Variants in RPS9 observed in about 807,000 individuals in gnomAD.
RPS9 encodes ribosomal protein S9.
Under a neutral mutation model 16.9 loss-of-function variants are expected in RPS9, and 1 was observed. The ratio of observed to expected loss-of-function variants is 0.06; its 90% confidence interval spans 0.02 to 0.28. The LOEUF is 0.28. Ranked by LOEUF, RPS9 falls within the 10% of genes least tolerant of loss-of-function variation. The pLI, the probability that RPS9 is intolerant of heterozygous loss-of-function variation, is 1.00. For synonymous variants in RPS9, 106 were observed against 110.9 expected, an observed-to-expected ratio of 0.96 and a Z score of 0.28; for missense variants, 137 against 273.2, an observed-to-expected ratio of 0.50 and a Z score of 3.51.
chr19:54,201,157 C>T lies in RPS9; in HGVS notation c.-25-3C>T, dbSNP rs762191358. 1.9e-6 allele frequency: 3 copies of T among 1,612,874 alleles called. No homozygotes were observed. Among genetic ancestry groups the T allele is most frequent in the South Asian group, 1.1e-5 (1 of 91,032 alleles). Reference sequence around the variant, plus strand: ...CTTACGCTCACACTTCTCTCCCGCGCAGGCGCAGACGGGGAAGCGGAGCCA... The same window carrying T: ...CTTACGCTCACACTTCTCTCCCGCGTAGGCGCAGACGGGGAAGCGGAGCCA... On this transcript the variant is annotated splice_region_variant and splice_polypyrimidine_tract_variant and intron_variant, in intron 1 of 4. Coordinates refer to ENST00000302907, the MANE Select transcript of RPS9 (RefSeq NM_001013.4).
At chr19:54,201,132 C>CT in intron 1 of RPS9, 28 bp from the exon 2 acceptor site, 2 of 1,611,854 alleles carry the variant, frequency 1.2e-6, no homozygotes, top group South Asian at 2.2e-5. Flanking sequence ...GTTTGGATCC[C>CT]TTACGCTCAC....
In RPS9 at chr19:54,207,574, A is replaced by G; in HGVS notation, c.584A>G (p.Ter195=). 1 of 1,606,762 alleles carries G rather than the reference A, an allele frequency of 6.2e-7. No homozygotes were observed. Among genetic ancestry groups the G allele is most frequent in the Admixed American group, 1.7e-5 (1 of 59,500 alleles). The part of the protein sequence containing the change: ...AGAGDDEEED[*] ...GCTGGAGACGACGAGGAGGAGGATTAAGTCCACCTGTCCCTCCTGGGCTGC... is the reference window on the plus strand; with the variant it reads ...GCTGGAGACGACGAGGAGGAGGATTGAGTCCACCTGTCCCTCCTGGGCTGC... Residue 195 remains the stop codon, a stop_retained_variant, in exon 5 of 5, where the codon TAA becomes TGA. Coordinates refer to ENST00000302907, the MANE Select transcript of RPS9 (RefSeq NM_001013.4).
At position 54,200,892 on chromosome 19, in the gene RPS9, A is replaced by T. The variant is rs3810232; in HGVS notation, c.-26+4A>T. On this transcript the variant is annotated splice_donor_region_variant and intron_variant, in intron 1 of 4. Coordinates refer to ENST00000302907, the MANE Select transcript of RPS9 (RefSeq NM_001013.4). ...AGTGACCGGGTGGTTTGCTTAGGTGAGGTGCGGTGGTGTGCTTTTTCTCTA... is the reference window on the plus strand; with the variant it reads ...AGTGACCGGGTGGTTTGCTTAGGTGTGGTGCGGTGGTGTGCTTTTTCTCTA... The T allele has an allele frequency of 1.1e-5, 13 of 1,158,144 alleles. No homozygotes were observed. Among genetic ancestry groups the T allele is most frequent in the Middle Eastern group, 3.9e-4 (1 of 2,584 alleles). 71.7% of individuals were successfully genotyped at this position (1,158,144 alleles called of 1,614,324 possible).
At chr19:54,207,351 A>T (rs1213881302) in intron 4 of RPS9, 47 bp from the exon 5 acceptor site, 1 of 1,514,492 alleles carries the variant, frequency 6.6e-7, no homozygotes, top group African/African-American at 1.4e-5. Context: ...AGCTGGGGTT[A>T]GCGTCCGTTT....
chr19:54,204,527 G>C (rs1251351568), intron 3 of RPS9, among the ~76,000 whole-genome samples: 2 of 152,106 alleles, frequency 1.3e-5, no homozygotes, highest in African/African-American at 4.8e-5. Context: ...AGCTCTAGTA[G>C]CTGGGACCAC....
intron 3 of RPS9, 68 bp downstream of exon 3, chr19:54,201,677 G>A (rs2147132421): frequency 6.9e-6 from 11 of 1,597,412 alleles, no homozygotes; most frequent in East Asian, 4.5e-5. Context: ...CCCTTCTGTT[G>A]CCTCTGTTCC....
chr19:54,201,701 G>A (rs2077058956), intron 3 of RPS9, 92 bp downstream of exon 3: 2 of 1,561,690 alleles, frequency 1.3e-6, no homozygotes, highest in Admixed American at 1.9e-5. Flanking sequence ...GATGAGAGTT[G>A]TGTCATTGGA....
chr19:54,204,655 C>G (rs1014374117), intron 3 of RPS9, among the ~76,000 whole-genome samples: 2 of 152,134 alleles, frequency 1.3e-5, no homozygotes, highest in African/African-American at 4.8e-5. Flanking sequence ...CTCAACTGAT[C>G]CTCCTGCCTC....
At chr19:54,206,185 G>C (rs964978382) in intron 3 of RPS9, 91 bp from the exon 4 acceptor site, 1 of 1,320,850 alleles carries the variant, frequency 7.6e-7, no homozygotes, top group African/African-American at 1.5e-5. Flanking sequence ...CACCGCCGCG[G>C]CATGGAGCTA....
At chr19:54,203,630 G>A (rs760988351) in intron 3 of RPS9, among the ~76,000 whole-genome samples, 5 of 152,030 alleles carry the variant, frequency 3.3e-5, no homozygotes, top group African/African-American at 7.3e-5. Context: ...AAAATTAGCC[G>A]AGCATGGTGG....
chr19:54,207,017 G>A (rs773207426), intron 4 of RPS9: 2 of 431,718 alleles, frequency 4.6e-6, no homozygotes, highest in East Asian at 4.2e-5. Context: ...ACGTAGCCTC[G>A]GGTTGCTGTG....
intron 3 of RPS9, 148 bp downstream of exon 3, chr19:54,201,757 G>A: frequency 6.9e-7 from 1 of 1,449,666 alleles, no homozygotes. Context: ...TGTGGAGTAG[G>A]AAAAGTGTAT....
In RPS9 at chr19:54,207,354, G is replaced by A. The variant is rs569924880; in HGVS notation, c.408-44G>A. The A allele has an allele frequency of 7.1e-5, 109 of 1,533,496 alleles. 2 individuals are homozygous for A. The South Asian group carries it at 1.2e-3, about 17-fold the overall frequency. 95.0% of individuals were successfully genotyped at this position (1,533,496 alleles called of 1,614,324 possible). On this transcript the variant is annotated intron_variant, in intron 4 of 4. Coordinates refer to ENST00000302907, the MANE Select transcript of RPS9 (RefSeq NM_001013.4). The stretch of plus-strand genomic sequence containing the variant: ...GAGTGGTGCGGTAGCTGGGGTTAGC[G>A]TCCGTTTCTCCTCCAGTCCACCTCA...
At chr19:54,202,311 A>T in intron 3 of RPS9, 1 of 464,858 alleles carries the variant, frequency 2.2e-6, no homozygotes. Context: ...TTAGCCTCCT[A>T]AGTAGCTGGA....
chr19:54,203,657 G>C (rs573180625), intron 3 of RPS9, among the ~76,000 whole-genome samples: 82 of 152,242 alleles, frequency 5.4e-4, no homozygotes, highest in Middle Eastern at 6.8e-3. Flanking sequence ...TATAATCCCA[G>C]CTACTCGGGA....
intron 3 of RPS9, among the ~76,000 whole-genome samples, chr19:54,205,523 A>G (rs1276357229): frequency 2.0e-5 from 3 of 152,076 alleles, no homozygotes; most frequent in Non-Finnish European, 2.9e-5. Flanking sequence ...AGATACTGCT[A>G]TTTATGGCAC....
At chr19:54,206,229 G>A (rs936940917) in intron 3 of RPS9, 47 bp from the exon 4 acceptor site, 2 of 1,585,864 alleles carry the variant, frequency 1.3e-6, no homozygotes, top group African/African-American at 1.3e-5. Flanking sequence ...AACCCAAGAA[G>A]CCTGAGGTCA....
chr19:54,201,809 T>C, intron 3 of RPS9, 200 bp downstream of exon 3: 1 of 1,229,584 alleles, frequency 8.1e-7, no homozygotes, highest in East Asian at 2.6e-5. Context: ...TGTGGCTTTT[T>C]TGCCCAGTTA....
rs1275516508 is a variant in RPS9, at chr19:54,207,493, G to C, written c.503G>C (p.Gly168Ala). 6.2e-7 allele frequency: 1 copy of C among 1,613,218 alleles called. No individual in the cohort carries two copies. The highest frequency in any genetic ancestry group is 8.5e-7 in the Non-Finnish European group (1 of 1,180,016). The stretch of plus-strand genomic sequence containing the variant: ...TCTCTGCGCTCTCCCTACGGGGGTG[G>C]CCGCCCGGGCCGCGTGAAGAGGAAG... ...DFSLRSPYGG[G>A]RPGRVKRKNA... The change falls in exon 5 of 5, where the codon GGC becomes GCC. Residue 168 changes from glycine to alanine, a missense_variant. By Grantham distance (60) the Gly-to-Ala change is moderately conservative (BLOSUM62 0). Transcript: ENST00000302907.
Sources: gnomAD v4.1 joint callset for allele counts (sites outside exome capture counted in the v4.1 genomes callset) on GRCh38, gnomAD v4.1.1 for gene constraint, MANE v1.5 for transcripts, NCBI Gene and HGNC (gene_info 2026-07-23, HGNC 2026-07-21) for gene names.